SOX5: variants seen among roughly 807,000 people sequenced by gnomAD.
SOX5 encodes the protein SRY-box transcription factor 5, also known as transcription factor SOX-5.
Under a neutral mutation model 92.0 loss-of-function variants are expected in SOX5, and 9 were observed. The ratio of observed to expected loss-of-function variants is 0.10; its 90% CI spans 0.06 to 0.17. The LOEUF (loss-of-function observed/expected upper bound fraction) is 0.17. SOX5 is among the 10% of genes least tolerant of loss of function. The pLI is 1.00. For synonymous variants in SOX5, 344 were observed against 336.3 expected (o/e 1.02, Z -0.25); for missense variants, 642 against 944.5 (o/e 0.68, Z 4.20).
chr12:23,632,298 C>A (rs1336288415), intron 8 of SOX5: 1 of 152,066 alleles, frequency 6.6e-6, no homozygotes, highest in African/African-American at 2.4e-5. Flanking sequence ...AACAGCACAC[C>A]AGGGTTGCGA....
chr12:23,915,892 A>G (rs1006931116), intron 1 of SOX5, among the ~76,000 whole-genome samples: 1 of 152,188 alleles, frequency 6.6e-6, no homozygotes, highest in East Asian at 1.9e-4. Context: ...ATGGGTGTCT[A>G]TTGTAAAGAA....
At chr12:23,600,505 C>T (rs1232284997) in intron 9 of SOX5, among the ~76,000 whole-genome samples, 1 of 74,958 alleles carries the variant, frequency 1.3e-5, no homozygotes, top group Admixed American at 1.6e-4. Flanking sequence ...GCAAGATAGA[C>T]CATGGCGGGG....
At chr12:24,555,789 C>T (rs1953716274) in intron 1 of SOX5, among the ~76,000 whole-genome samples, 1 of 152,138 alleles carries the variant, frequency 6.6e-6, no homozygotes. Context: ...GAGTCCAAAG[C>T]AAGTGTCCAA....
chr12:23,608,846 G>A (rs2075597354), intron 8 of SOX5, among the ~76,000 whole-genome samples: 1 of 152,154 alleles, frequency 6.6e-6, no homozygotes, highest in African/African-American at 2.4e-5. Flanking sequence ...CACAAAGTAA[G>A]AAACTAGGCA....
At chr12:24,556,784 C>T (rs917076010) in intron 1 of SOX5, among the ~76,000 whole-genome samples, 1 of 152,264 alleles carries the variant, frequency 6.6e-6, no homozygotes, top group East Asian at 1.9e-4. Context: ...AAATACAGCA[C>T]CTTAATAAAA....
intron 6 of SOX5, among the ~76,000 whole-genome samples, chr12:23,715,169 G>C (rs914505517): frequency 1.3e-5 from 2 of 151,976 alleles, no homozygotes; most frequent in African/African-American, 4.8e-5. Flanking sequence ...TGCGATGGCG[G>C]GCGCCTGTAG....
intron 3 of SOX5, among the ~76,000 whole-genome samples, chr12:23,769,985 A>C (rs1210305793): frequency 6.6e-6 from 1 of 151,690 alleles, no homozygotes; most frequent in Non-Finnish European, 1.5e-5. Context: ...TTTTCCATTA[A>C]AGGCCTCTGT....
At chr12:24,137,573 A>C (rs1469955448) in intron 4 of SOX5, among the ~76,000 whole-genome samples, 3 of 152,170 alleles carry the variant, frequency 2.0e-5, no homozygotes, top group Non-Finnish European at 4.4e-5. Context: ...TGGAGGTTGC[A>C]GTGAGCAGAA....
intron 9 of SOX5, among the ~76,000 whole-genome samples, chr12:23,581,453 G>A (rs1950030311): frequency 6.6e-6 from 1 of 151,778 alleles, no homozygotes; most frequent in Admixed American, 6.6e-5. Context: ...CATATCACAG[G>A]TATCTCAAAA....
At chr12:24,337,670 G>C (rs1031871494) in intron 2 of SOX5, among the ~76,000 whole-genome samples, 1 of 152,064 alleles carries the variant, frequency 6.6e-6, no homozygotes, top group Non-Finnish European at 1.5e-5. Flanking sequence ...CCTCTTTTAA[G>C]TTCGGTAGAC....
At chr12:24,142,683 C>T (rs753750439) in intron 4 of SOX5, among the ~76,000 whole-genome samples, 1 of 151,716 alleles carries the variant, frequency 6.6e-6, no homozygotes, top group Non-Finnish European at 1.5e-5. Flanking sequence ...TCCCCAAGAA[C>T]CAGAATACAA....
At chr12:24,543,960 G>A (rs1952377501) in intron 1 of SOX5, among the ~76,000 whole-genome samples, 1 of 152,282 alleles carries the variant, frequency 6.6e-6, no homozygotes, top group South Asian at 2.1e-4. Flanking sequence ...ACTGAACCAT[G>A]ATTACCATAT....
intron 4 of SOX5, among the ~76,000 whole-genome samples, chr12:24,186,542 G>A (rs569738327): frequency 6.6e-6 from 1 of 152,092 alleles, no homozygotes; most frequent in Non-Finnish European, 1.5e-5. Context: ...AATGGGAATA[G>A]AAAGCAGAAA....
At chr12:24,200,396 A>G (rs1191119918) in intron 4 of SOX5, among the ~76,000 whole-genome samples, 2 of 152,184 alleles carry the variant, frequency 1.3e-5, no homozygotes, top group African/African-American at 2.4e-5. Flanking sequence ...TAAGTCTTTT[A>G]TAAATCTTGG....
At chr12:23,950,992 CACACA>C (rs1343642876), upstream of SOX5, 2 of 782,764 alleles carry the variant, frequency 2.6e-6, no homozygotes, top group Non-Finnish European at 4.3e-6. Context: ...CACACACACA[CACACA>C]CACACACTCA....
At chr12:24,435,171 T>C (rs1939165364) in intron 1 of SOX5, among the ~76,000 whole-genome samples, 1 of 152,210 alleles carries the variant, frequency 6.6e-6, no homozygotes, top group South Asian at 2.1e-4. Flanking sequence ...TACAGAGTTT[T>C]CTCTGGAGAT....
Position 23,726,822 on chromosome 12 carries a change from C to T in SOX5, c.810+7862G>A, listed in dbSNP as rs552250029. ...ACAACTTGTGAAAAAGCAGCTGCTC[C>T]AGACACATGGCAGATTTGGATAAAA... On this transcript the variant is annotated intron_variant, in intron 6 of 14. Transcript: ENST00000451604. 1.8e-3 allele frequency among the ~76,000 whole-genome samples: 272 copies of T among 152,290 alleles called. 1 individual carries two copies. Among genetic ancestry groups the T allele is most frequent in the Non-Finnish European group, 2.7e-3 (185 of 68,014 alleles).
rs544533913 is a variant in SOX5 at position 23,689,289 on chromosome 12, G to T, written c.811-23725C>A. 3.5e-3 allele frequency among the ~76,000 whole-genome samples: 502 copies of T among 143,032 alleles called. 3 individuals carry two copies. Among genetic ancestry groups the T allele is most frequent in the South Asian group, 0.015 (71 of 4,808 alleles). 93.8% of individuals were successfully genotyped at this position (143,032 alleles called of 152,430 possible). ...TGTATATTCTTAATTAGATTTTTTTGTTGTTGTTGTTGCATATGCTGTCAA... is the reference window on the plus strand; with the variant it reads ...TGTATATTCTTAATTAGATTTTTTTTTTGTTGTTGTTGCATATGCTGTCAA... On this transcript the variant is annotated intron_variant, in intron 6 of 14. Coordinates refer to ENST00000451604, the MANE Select transcript of SOX5 (RefSeq NM_006940.6).
chr12:24,410,621 G>A (rs1170076564), intron 1 of SOX5, among the ~76,000 whole-genome samples: 1 of 152,156 alleles, frequency 6.6e-6, no homozygotes, highest in East Asian at 1.9e-4. Context: ...GGTCTAATAT[G>A]TTGTGAGTCA....
Sources: gnomAD v4.1 joint callset for allele counts (sites outside exome capture counted in the v4.1 genomes callset) on GRCh38, gnomAD v4.1.1 for gene constraint, MANE v1.5 for transcripts, NCBI Gene and HGNC (gene_info 2026-07-23, HGNC 2026-07-21) for gene names.